The following SGCD variants were observed in gnomAD, a reference collection of about 807,000 sequenced individuals.
SGCD encodes the protein sarcoglycan delta.
SGCD carries 18 observed loss-of-function variants against 36.6 expected under a neutral mutation model. The observed-to-expected ratio is 0.49, with a 90% CI of 0.34 to 0.73. SGCD has a LOEUF of 0.73. SGCD is among the 30% of genes least tolerant of loss of function. The pLI is 0.01. For synonymous variants in SGCD, 133 were observed against 130.6 expected (o/e 1.02, Z -0.12); for missense variants, 387 against 346.7 (o/e 1.12, Z -0.92).
At chr5:156,286,525 G>C (rs1766602023) in intron 3 of SGCD, among the ~76,000 whole-genome samples, 1 of 152,142 alleles carries the variant, frequency 6.6e-6, no homozygotes, top group South Asian at 2.1e-4. Flanking sequence ...TCCTTTGTAG[G>C]GACATGGATG....
intron 3 of SGCD, among the ~76,000 whole-genome samples, chr5:156,388,921 A>C (rs79005184): frequency 0.035 from 5,264 of 152,306 alleles, 303 homozygotes; most frequent in African/African-American, 0.12. Context: ...TTATTTGTAC[A>C]ATCTACTAGG....
chr5:156,400,823 G>A (rs1008460460), intron 3 of SGCD, among the ~76,000 whole-genome samples: 6 of 152,184 alleles, frequency 3.9e-5, no homozygotes, highest in African/African-American at 1.4e-4. Flanking sequence ...AACAGATGTG[G>A]ACCTAAAGGA....
chr5:156,315,647 A>G (rs1427345187), intron 3 of SGCD, among the ~76,000 whole-genome samples: 4 of 151,924 alleles, frequency 2.6e-5, no homozygotes, highest in African/African-American at 9.7e-5. Flanking sequence ...GTTTTTAATA[A>G]TGATCATACC....
chr5:156,350,069 T>C (rs138599689), intron 3 of SGCD, among the ~76,000 whole-genome samples: 13 of 151,050 alleles, frequency 8.6e-5, no homozygotes, highest in East Asian at 5.9e-4. Flanking sequence ...ATAATGGACA[T>C]TGGAGACTCA....
intron 7 of SGCD, among the ~76,000 whole-genome samples, chr5:156,677,682 T>C (rs114278976): frequency 0.028 from 4,239 of 151,944 alleles, 127 homozygotes; most frequent in African/African-American, 0.068. Context: ...GAACTTAAAG[T>C]ATATAGATAA....
upstream of SGCD, among the ~76,000 whole-genome samples, chr5:155,865,545 G>A (rs1305411792): frequency 1.3e-5 from 2 of 152,104 alleles, no homozygotes; most frequent in South Asian, 4.1e-4. Flanking sequence ...AAAGTTAGTT[G>A]CATTGTGGAA....
intron 4 of SGCD, among the ~76,000 whole-genome samples, chr5:156,573,002 T>C (rs2113296834): frequency 6.6e-6 from 1 of 152,318 alleles, no homozygotes. Flanking sequence ...AATGTACATA[T>C]TACCTGTATT....
chr5:156,021,038 T>C (rs1225413761), intron 1 of SGCD, among the ~76,000 whole-genome samples: 1 of 152,214 alleles, frequency 6.6e-6, no homozygotes, highest in Non-Finnish European at 1.5e-5. Flanking sequence ...GCAATTCTGT[T>C]GGTTATTTTG....
chr5:156,701,575 G>C (rs2113730659), intron 7 of SGCD, among the ~76,000 whole-genome samples: 1 of 152,284 alleles, frequency 6.6e-6, no homozygotes, highest in East Asian at 1.9e-4. Flanking sequence ...TGGTGATAGA[G>C]AAGGGAAGAG....
intron 3 of SGCD, among the ~76,000 whole-genome samples, chr5:156,314,417 T>A (rs1464507508): frequency 6.6e-6 from 1 of 152,062 alleles, no homozygotes; most frequent in Non-Finnish European, 1.5e-5. Flanking sequence ...TTAACTATAA[T>A]ATAGACATTG....
At chr5:156,022,361 TAA>T (rs921594058) in intron 1 of SGCD, among the ~76,000 whole-genome samples, 2 of 152,234 alleles carry the variant, frequency 1.3e-5, no homozygotes, top group African/African-American at 4.8e-5. Context: ...AATGTGAAAT[TAA>T]GTCCTGATTA....
intron 1 of SGCD, among the ~76,000 whole-genome samples, chr5:155,955,919 G>C (rs1436469032): frequency 6.6e-6 from 1 of 152,070 alleles, no homozygotes; most frequent in African/African-American, 2.4e-5. Flanking sequence ...TAGCCCTAAA[G>C]TAAAACCGTA....
chr5:155,814,272 T>A, the SGCD span, among the ~76,000 whole-genome samples: 1 of 152,228 alleles, frequency 6.6e-6, no homozygotes, highest in South Asian at 2.1e-4. Context: ...TATCCAGGAA[T>A]GTTCTCCTAT....
chr5:155,832,235 C>T, the SGCD span, among the ~76,000 whole-genome samples: 1 of 152,112 alleles, frequency 6.6e-6, no homozygotes, highest in Non-Finnish European at 1.5e-5. Flanking sequence ...TGGCGAGTGG[C>T]AGGTCACTGG....
In SGCD at chr5:156,765,850, A is replaced by T. The variant is rs1036792682; in HGVS notation, c.*6460A>T. On this transcript the variant is annotated 3_prime_UTR_variant, in exon 9 of 9. Coordinates refer to ENST00000337851, the MANE Select transcript of SGCD (RefSeq NM_000337.6). ...TGTCCCCTACTAGGTTTTAAACTAG[A>T]TCTTCCTTGGTAGATGAAGCTATAG... is the stretch of plus-strand genomic sequence containing the variant. 2 of 152,152 alleles carry T rather than the reference A, an allele frequency of 1.3e-5. No homozygotes were observed. Among genetic ancestry groups the T allele is most frequent in the Non-Finnish European group, 2.9e-5 (2 of 68,030 alleles). 9.4% of individuals were successfully genotyped at this position (152,152 alleles called of 1,614,324 possible). A position where few individuals can be genotyped will look rare whatever the true frequency, so the allele number is the denominator to read the frequency against.
At chr5:156,244,755 CT>C (rs1765398744) in intron 3 of SGCD, among the ~76,000 whole-genome samples, 2 of 152,174 alleles carry the variant, frequency 1.3e-5, no homozygotes, top group Admixed American at 6.5e-5. Context: ...AAACACATTA[CT>C]GCATCATAAT....
At chr5:156,729,396 T>TAACA (rs1561881148) in intron 7 of SGCD, among the ~76,000 whole-genome samples, 2 of 152,232 alleles carry the variant, frequency 1.3e-5, no homozygotes, top group South Asian at 2.1e-4. Flanking sequence ...GAAATACTTC[T>TAACA]AACAGTGGCT....
intron 3 of SGCD, among the ~76,000 whole-genome samples, chr5:156,422,611 G>A (rs1171674739): frequency 6.6e-6 from 1 of 151,884 alleles, no homozygotes; most frequent in Admixed American, 6.6e-5. Flanking sequence ...GAATGTCATG[G>A]TATATAATTT....
chr5:156,238,385 T>A (rs1765220284), intron 3 of SGCD, among the ~76,000 whole-genome samples: 1 of 152,166 alleles, frequency 6.6e-6, no homozygotes, highest in Admixed American at 6.5e-5. Flanking sequence ...GCATCCACCC[T>A]CCAGTGGTGT....
Sources: gnomAD v4.1 joint callset for allele counts (sites outside exome capture counted in the v4.1 genomes callset) on GRCh38, gnomAD v4.1.1 for gene constraint, MANE v1.5 for transcripts, NCBI Gene and HGNC (gene_info 2026-07-23, HGNC 2026-07-21) for gene names.